The following KIF6 variants were observed in gnomAD, a reference collection of about 807,000 sequenced individuals.
KIF6 encodes the protein kinesin-like protein KIF6.
Under a neutral mutation model 112.7 loss-of-function variants are expected in KIF6, and 106 were observed. That is an observed-to-expected ratio of 0.94 (90% CI 0.80 to 1.11). The LOEUF is 1.11. Among genes scored for constraint, KIF6 ranks in the 50% least tolerant of loss-of-function variants. The probability of loss-of-function intolerance (pLI) is 0.00; values close to 1 mark genes in which losing one functional copy is unlikely to be tolerated. For synonymous variants in KIF6, 339 were observed against 339.9 expected (o/e 1.00, Z 0.03); for missense variants, 929 against 964.0 (o/e 0.96, Z 0.48).
At chr6:39,490,829 A>C (rs984481474) in intron 13 of KIF6, among the ~76,000 whole-genome samples, 1 of 152,198 alleles carries the variant, frequency 6.6e-6, no homozygotes, top group Non-Finnish European at 1.5e-5. Context: ...AATGTTCAAA[A>C]AAAACCCCAC....
intron 3 of KIF6, among the ~76,000 whole-genome samples, chr6:39,699,706 A>G (rs963124633): frequency 6.6e-6 from 1 of 152,192 alleles, no homozygotes. Flanking sequence ...TATTTGTAAT[A>G]TAGGGATAAC....
chr6:39,647,009 C>T (rs1205498533), intron 3 of KIF6, among the ~76,000 whole-genome samples: 2 of 152,300 alleles, frequency 1.3e-5, no homozygotes, highest in East Asian at 3.9e-4. Flanking sequence ...CGGTAAATGA[C>T]TCCTAACTGT....
In KIF6 at chr6:39,342,105, C is replaced by G. The variant is rs927442803; in HGVS notation, c.2428+1604G>C. ...GCCCTCCAGCCACTCTAGCTTCCTTCCCACCCTGTGGCCAAGCAAAGCTTC... is the reference window on the plus strand; with the variant it reads ...GCCCTCCAGCCACTCTAGCTTCCTTGCCACCCTGTGGCCAAGCAAAGCTTC... On this transcript the variant is annotated intron_variant, in intron 22 of 22. Transcript: ENST00000287152. This position sits in a 1 kb window ranked among gnomAD's most constrained non-coding sequence, Gnocchi z 4.7. Among the ~76,000 whole-genome samples the G allele has an allele frequency of 1.3e-5, 2 of 152,216 alleles. No individual in the cohort carries two copies. Among genetic ancestry groups the G allele is most frequent in the African/African-American group, 4.8e-5 (2 of 41,460 alleles).
rs957299837 is a variant in KIF6, at chr6:39,548,351, A to G, written c.1182-2663T>C. Among the ~76,000 whole-genome samples, 11 of 152,212 alleles carry G rather than the reference A, an allele frequency of 7.2e-5. 1 individual carries two copies. The highest frequency in any genetic ancestry group is 4.4e-5 in the Non-Finnish European group (3 of 68,028). On this transcript the variant is annotated intron_variant, in intron 10 of 22. Transcript: ENST00000287152. ...CTCCTCTCCCACACAGCAACACTGT[A>G]GAATACAAGGAGGACCAGGGACATG...
Position 39,586,200 on chromosome 6 carries a change from C to T in KIF6, c.990+61G>A, listed in dbSNP as rs376608397. ...GAAACCCACCCAAGAGCCTCAACTC[C>T]GTCTCACGTGCTAGCAGTAAAAACC... On this transcript the variant is annotated intron_variant, in intron 8 of 22. Coordinates refer to ENST00000287152, the MANE Select transcript of KIF6 (RefSeq NM_145027.6). The T allele has an allele frequency of 6.7e-4, 1,055 of 1,579,328 alleles. 11 individuals are homozygous for T. The South Asian group carries it at 7.3e-3, about 11-fold the overall frequency.
intron 15 of KIF6, among the ~76,000 whole-genome samples, chr6:39,391,640 A>C (rs1164335721): frequency 6.6e-6 from 1 of 152,232 alleles, no homozygotes; most frequent in East Asian, 1.9e-4. Context: ...AAGAGAAATA[A>C]ATAAAACGTG....
At chr6:39,432,272 G>A (rs76766403) in intron 13 of KIF6, among the ~76,000 whole-genome samples, 4,373 of 152,282 alleles carry the variant, frequency 0.029, 224 homozygotes, top group African/African-American at 0.095. Flanking sequence ...GCATACATCT[G>A]TTAAATGAAT....
rs141826711 is a variant in KIF6, at chr6:39,479,472, C to A, written c.1646-48311G>T. On this transcript the variant is annotated intron_variant, in intron 13 of 22. Coordinates refer to ENST00000287152, the MANE Select transcript of KIF6 (RefSeq NM_145027.6). ...TTCATCTAGGTGCCTATTTTTATAC[C>A]AGTACCATGCTGTTTTGGTGACTGT... Among the ~76,000 whole-genome samples, 54 of 152,164 alleles carry A rather than the reference C, an allele frequency of 3.5e-4. No homozygotes were observed. The East Asian group carries it at 8.9e-3, about 25-fold the overall frequency.
At chr6:39,509,626 T>G (rs1214128582) in intron 13 of KIF6, among the ~76,000 whole-genome samples, 1 of 152,156 alleles carries the variant, frequency 6.6e-6, no homozygotes. Flanking sequence ...GAAGAAAGGA[T>G]ATCAGTGATT....
intron 22 of KIF6, among the ~76,000 whole-genome samples, chr6:39,338,949 G>T (rs1437405081): frequency 6.6e-6 from 1 of 151,392 alleles, no homozygotes. Flanking sequence ...ATGACAGGGG[G>T]TGGGTGGGGT....
At chr6:39,707,100 G>T (rs1478139643) in intron 3 of KIF6, among the ~76,000 whole-genome samples, 2 of 152,176 alleles carry the variant, frequency 1.3e-5, no homozygotes, top group African/African-American at 4.8e-5. Context: ...TTGGTAGAAT[G>T]TATGTGTATA....
chr6:39,379,604 AGGT>A (rs1253043670), intron 16 of KIF6, among the ~76,000 whole-genome samples: 6 of 152,216 alleles, frequency 3.9e-5, no homozygotes, highest in African/African-American at 1.4e-4. Flanking sequence ...TTCACAGAGG[AGGT>A]CAATGTTGAA....
chr6:39,460,919 G>T lies in KIF6; in HGVS notation c.1646-29758C>A, dbSNP rs370539440. On this transcript the variant is annotated intron_variant, in intron 13 of 22. Transcript: ENST00000287152. Reference sequence around the variant, plus strand: ...TAGAATACCCTTTCCAACATGGCAGGCTTCAACTCATTCTTCTAATTTCAG... The same window carrying T: ...TAGAATACCCTTTCCAACATGGCAGTCTTCAACTCATTCTTCTAATTTCAG... Among the ~76,000 whole-genome samples, 6 of 152,238 alleles carry T rather than the reference G, an allele frequency of 3.9e-5. No homozygotes were observed. The East Asian group carries it at 1.2e-3, about 29-fold the overall frequency.
chr6:39,636,752 T>G (rs1784640506), intron 4 of KIF6, among the ~76,000 whole-genome samples: 1 of 152,034 alleles, frequency 6.6e-6, no homozygotes, highest in South Asian at 2.1e-4. Context: ...TTTTTAAAAT[T>G]TATCCAAAAT....
intron 5 of KIF6, among the ~76,000 whole-genome samples, chr6:39,617,013 C>T (rs1783557924): frequency 6.6e-6 from 1 of 152,086 alleles, no homozygotes; most frequent in African/African-American, 2.4e-5. Flanking sequence ...TGAAAGAGGG[C>T]TTTATTAGAG....
At chr6:39,460,536 T>TAAAAAA (rs759528125) in intron 13 of KIF6, among the ~76,000 whole-genome samples, 3 of 57,070 alleles carry the variant, frequency 5.3e-5, no homozygotes, top group East Asian at 5.8e-4. Context: ...AAAAAAAAAG[T>TAAAAAA]AAAAAAAAAA....
chr6:39,398,581 C>T (rs532769156), intron 15 of KIF6, among the ~76,000 whole-genome samples: 1 of 152,228 alleles, frequency 6.6e-6, no homozygotes, highest in Non-Finnish European at 1.5e-5. Context: ...GAGGTTTGTA[C>T]ATGTAAGGTA....
chr6:39,656,850 C>A lies in KIF6; in HGVS notation c.252-17093G>T, dbSNP rs928900891. On this transcript the variant is annotated intron_variant, in intron 3 of 22. Coordinates refer to ENST00000287152, the MANE Select transcript of KIF6 (RefSeq NM_145027.6). ...CCACTTGCCCCATAACTCTCACCTT[C>A]CTAAGAGAGAATGGAGGCTCTTCTT... 2.6e-5 allele frequency among the ~76,000 whole-genome samples: 4 copies of A among 152,304 alleles called. No homozygotes were observed. In the East Asian group the frequency reaches 7.7e-4, roughly 29 times the overall value.
At chr6:39,608,245 T>G (rs1353882898) in intron 6 of KIF6, among the ~76,000 whole-genome samples, 2 of 152,192 alleles carry the variant, frequency 1.3e-5, no homozygotes, top group Non-Finnish European at 2.9e-5. Context: ...GACATGGGGT[T>G]ATGTTCCCAC....
Sources: allele counts gnomAD v4.1 joint callset (sites outside exome capture counted in the v4.1 genomes callset), GRCh38; gene constraint gnomAD v4.1.1; non-coding constraint Gnocchi (gnomAD v3.1); transcripts MANE v1.5; gene names NCBI Gene and HGNC (gene_info 2026-07-23, HGNC 2026-07-21).